Variants in ENTPD4 observed in about 807,000 individuals in gnomAD.
The protein encoded by ENTPD4 is Golgi UDPase.
ENTPD4 carries 60 observed loss-of-function variants against 79.1 expected under a neutral mutation model. The observed-to-expected ratio is 0.76, with a 90% confidence interval of 0.62 to 0.94. ENTPD4 has a LOEUF of 0.94. Ranked by LOEUF, ENTPD4 falls within the 40% of genes least tolerant of loss-of-function variation. The probability of loss-of-function intolerance (pLI) is 0.00; values close to 1 mark genes in which losing one functional copy is unlikely to be tolerated. For synonymous variants in ENTPD4, 276 were observed against 292.0 expected (o/e 0.95, Z 0.56); for missense variants, 772 against 775.1 (o/e 1.00, Z 0.05).
At position 23,429,473 on chromosome 8, in the gene ENTPD4, G is replaced by C. The variant is rs947521142; in HGVS notation, c.*3453C>G. 1.0e-6 allele frequency: 1 copy of C among 985,064 alleles called. No individual in the cohort carries two copies. The highest frequency in any genetic ancestry group is 1.7e-5 in the African/African-American group (1 of 57,228). The allele number at this position is 985,064 out of a possible 1,614,324, so 61.0% of individuals were successfully genotyped here. ...GAAATAAATAACTAAGTAATTTACTGAAAGGTAGTTTTGTTGCATTGCACA... is the reference window on the plus strand; with the variant it reads ...GAAATAAATAACTAAGTAATTTACTCAAAGGTAGTTTTGTTGCATTGCACA... On this transcript the variant is annotated 3_prime_UTR_variant, in exon 13 of 13. Transcript: ENST00000358689.
chr8:23,441,781 C>G (rs1800676240), intron 7 of ENTPD4, 58 bp from the exon 8 acceptor site: 1 of 1,563,064 alleles, frequency 6.4e-7, no homozygotes, highest in Non-Finnish European at 8.7e-7. Flanking sequence ...CTGGGCTCTT[C>G]TGAAGAGTCA....
rs918771234 is a variant in ENTPD4 at position 23,434,411 on chromosome 8, A to T, written c.1528T>A (p.Tyr510Asn). 6.2e-7 allele frequency: 1 copy of T among 1,614,224 alleles called. No homozygotes were observed. Among genetic ancestry groups the T allele is most frequent in the African/African-American group, 1.3e-5 (1 of 75,060 alleles). The change falls in exon 12 of 13, where the codon TAT becomes AAT. Residue 510 changes from tyrosine to asparagine, a missense_variant. Physicochemically the swap from Tyr to Asn is moderately radical, Grantham distance 143 (BLOSUM62 -2). Coordinates refer to ENST00000358689, the MANE Select transcript of ENTPD4 (RefSeq NM_004901.5). ...TGCAAGGCAGTCTTTAAGCTTTTAT[A>T]GTTGACAGGAAACGAAAAGCCCCTA... ...FHRGFSFPVN[Y>N]KSLKTALQVY...
intron 1 of ENTPD4, among the ~76,000 whole-genome samples, chr8:23,456,250 C>T (rs765698907): frequency 1.1e-4 from 16 of 152,220 alleles, no homozygotes; most frequent in Non-Finnish European, 2.2e-4. Context: ...CTCTCCCACA[C>T]AAGCTGTCTC....
intron 1 of ENTPD4, among the ~76,000 whole-genome samples, chr8:23,453,242 GACAA>G (rs777342781): frequency 6.6e-5 from 10 of 151,718 alleles, no homozygotes; most frequent in Non-Finnish European, 8.8e-5. Flanking sequence ...CCAAATTTAG[GACAA>G]ACAATGTCTG....
chr8:23,430,630 C>T lies in ENTPD4; in HGVS notation c.*2296G>A. ...TTAAAAATGGCAAATCCACTACTACCTCTCAGCTGGAGCAATGAGGTTTTC... is the reference window on the plus strand; with the variant it reads ...TTAAAAATGGCAAATCCACTACTACTTCTCAGCTGGAGCAATGAGGTTTTC... On this transcript the variant is annotated 3_prime_UTR_variant, in exon 13 of 13. Transcript: ENST00000358689. The T allele has an allele frequency of 2.0e-6, 2 of 985,472 alleles. No individual in the cohort carries two copies. The highest frequency in any genetic ancestry group is 2.4e-6 in the Non-Finnish European group (2 of 829,978). The allele number at this position is 985,472 out of a possible 1,614,324, so 61.0% of individuals were successfully genotyped here. A position where few individuals can be genotyped will look rare whatever the true frequency, so the allele number is the denominator to read the frequency against.
chr8:23,438,534 T>A (rs1800611363), intron 9 of ENTPD4, among the ~76,000 whole-genome samples: 1 of 152,354 alleles, frequency 6.6e-6, no homozygotes, highest in Admixed American at 6.5e-5. Flanking sequence ...AATATATATT[T>A]CATGCTATTA....
rs1800442224 is a variant in ENTPD4 at position 23,430,867 on chromosome 8, A to G, written c.*2059T>C. 1 of 985,258 alleles carries G rather than the reference A, an allele frequency of 1.0e-6. No individual in the cohort carries two copies. The highest frequency in any genetic ancestry group is 1.8e-5 in the African/African-American group (1 of 57,076). The allele number at this position is 985,258 out of a possible 1,614,324, so 61.0% of individuals were successfully genotyped here. A position where few individuals can be genotyped will look rare whatever the true frequency, so the allele number is the denominator to read the frequency against. Reference sequence around the variant, plus strand: ...CCAATAATCCATGGCTCCTCCAGGAAGTGTCGCAGGCAGGTGGCCAAGACC... The same window carrying G: ...CCAATAATCCATGGCTCCTCCAGGAGGTGTCGCAGGCAGGTGGCCAAGACC... On this transcript the variant is annotated 3_prime_UTR_variant, in exon 13 of 13. Transcript: ENST00000358689.
At chr8:23,438,554 G>C (rs1800611735) in intron 9 of ENTPD4, among the ~76,000 whole-genome samples, 1 of 152,044 alleles carries the variant, frequency 6.6e-6, no homozygotes, top group African/African-American at 2.4e-5. Flanking sequence ...ATTTTTAGTT[G>C]TCCTATATCT....
chr8:23,440,752 C>T (rs1405520985), intron 8 of ENTPD4, among the ~76,000 whole-genome samples: 2 of 152,212 alleles, frequency 1.3e-5, no homozygotes, highest in East Asian at 1.9e-4. Context: ...CTCATTTAAA[C>T]CTTCTAATAA....
Position 23,431,038 on chromosome 8 carries a change from C to G in ENTPD4, c.*1888G>C, listed in dbSNP as rs1438661057. ...GAAATCCAGGTGAGGGAGCCATGCC[C>G]CCACAGCTCTTGCCTCAAGGATCAG... On this transcript the variant is annotated 3_prime_UTR_variant, in exon 13 of 13. Coordinates refer to ENST00000358689, the MANE Select transcript of ENTPD4 (RefSeq NM_004901.5). 1 of 917,014 alleles carries G rather than the reference C, an allele frequency of 1.1e-6. No individual in the cohort carries two copies. The highest frequency in any genetic ancestry group is 1.3e-6 in the Non-Finnish European group (1 of 767,644). The allele number at this position is 917,014 out of a possible 1,614,324, so 56.8% of individuals were successfully genotyped here.
At chr8:23,433,197 G>C in intron 12 of ENTPD4, 43 bp from the exon 13 acceptor site, 2 of 1,544,564 alleles carry the variant, frequency 1.3e-6, no homozygotes, top group Non-Finnish European at 1.8e-6. Flanking sequence ...CAGTAAGCAA[G>C]GAAAGGGGTG....
intron 8 of ENTPD4, among the ~76,000 whole-genome samples, chr8:23,440,792 T>C (rs1459332382): frequency 1.3e-5 from 2 of 152,204 alleles, no homozygotes; most frequent in South Asian, 4.1e-4. Flanking sequence ...TTGTTCACGT[T>C]TACAGATGAA....
At position 23,431,096 on chromosome 8, in the gene ENTPD4, C is replaced by T. The variant is rs537037963; in HGVS notation, c.*1830G>A. 6.3e-5 allele frequency: 38 copies of T among 598,622 alleles called. 1 individual carries two copies. In the South Asian group the frequency reaches 1.9e-3, roughly 30 times the overall value. The allele number at this position is 598,622 out of a possible 1,614,324, so 37.1% of individuals were successfully genotyped here. ...TTACCTTCCAGAGACGCAGGTTAAGCTGCACCTGAGGCAGTTTGAGCCACA... is the reference window on the plus strand; with the variant it reads ...TTACCTTCCAGAGACGCAGGTTAAGTTGCACCTGAGGCAGTTTGAGCCACA... On this transcript the variant is annotated 3_prime_UTR_variant, in exon 13 of 13. Transcript: ENST00000358689.
intron 6 of ENTPD4, 135 bp downstream of exon 6, chr8:23,443,715 A>T: frequency 1.8e-6 from 1 of 565,548 alleles, no homozygotes; most frequent in South Asian, 2.7e-5. Flanking sequence ...AGTAATTTAA[A>T]AATTGTAATA....
intron 1 of ENTPD4, among the ~76,000 whole-genome samples, chr8:23,453,960 C>G (rs1328730729): frequency 6.6e-6 from 1 of 152,078 alleles, no homozygotes; most frequent in Non-Finnish European, 1.5e-5. Flanking sequence ...GACATGAAAA[C>G]AAGTTCATGA....
chr8:23,439,944 T>C (rs774878107), intron 8 of ENTPD4, 29 bp from the exon 9 acceptor site: 14 of 1,596,670 alleles, frequency 8.8e-6, no homozygotes, highest in African/African-American at 2.7e-5. Flanking sequence ...CAAACCTTAA[T>C]AGCTTAAGCT....
In ENTPD4 at chr8:23,448,957, A is replaced by G; in HGVS notation, c.9-18T>C. Reference sequence around the variant, plus strand: ...TGCCAATCCTGAAATTAGAAGGAAAAAGATTTTAAAGCAATCTGCTCCAAT... The same window carrying G: ...TGCCAATCCTGAAATTAGAAGGAAAGAGATTTTAAAGCAATCTGCTCCAAT... On this transcript the variant is annotated intron_variant, in intron 2 of 12. Transcript: ENST00000358689. 6.2e-7 allele frequency: 1 copy of G among 1,601,352 alleles called. No homozygotes were observed. Among genetic ancestry groups the G allele is most frequent in the East Asian group, 2.2e-5 (1 of 44,798 alleles).
In ENTPD4 at chr8:23,429,330, C is replaced by A; in HGVS notation, c.*3596G>T. 1.0e-6 allele frequency: 1 copy of A among 985,130 alleles called. No individual in the cohort carries two copies. Among genetic ancestry groups the A allele is most frequent in the Non-Finnish European group, 1.2e-6 (1 of 829,698 alleles). The allele number at this position is 985,130 out of a possible 1,614,324, so 61.0% of individuals were successfully genotyped here. On this transcript the variant is annotated 3_prime_UTR_variant, in exon 13 of 13. Transcript: ENST00000358689. ...AAAAACATTTAAAGATGCTCCCTTG[C>A]TTTTTATAATTCCTAACTGTAAAAT...
chr8:23,456,417 C>T (rs1340637113), intron 1 of ENTPD4, among the ~76,000 whole-genome samples: 1 of 152,360 alleles, frequency 6.6e-6, no homozygotes, highest in East Asian at 1.9e-4. Context: ...TTGGAATCGT[C>T]TCTTTATTCA....
Sources: allele counts gnomAD v4.1 joint callset (sites outside exome capture counted in the v4.1 genomes callset), GRCh38; gene constraint gnomAD v4.1.1; transcripts MANE v1.5; gene names NCBI Gene and HGNC (gene_info 2026-07-23, HGNC 2026-07-21).